Variants in RAPGEF2 observed in about 807,000 individuals in gnomAD.
RAPGEF2 encodes PDZ domain containing guanine nucleotide exchange factor (GEF) 1.
In RAPGEF2, 54 loss-of-function variants were observed where a neutral mutation model predicts 186.7. The ratio of observed to expected loss-of-function variants is 0.29; its 90% CI spans 0.23 to 0.36. The LOEUF (loss-of-function observed/expected upper bound fraction) is 0.36. RAPGEF2 is among the 10% of genes least tolerant of loss of function. The pLI, the probability that RAPGEF2 is intolerant of heterozygous loss-of-function variation, is 1.00. For synonymous variants in RAPGEF2, 712 were observed against 705.9 expected (o/e 1.01, Z -0.14); for missense variants, 1,532 against 2,045.0 (o/e 0.75, Z 4.84).
chr4:159,142,583 A>C (rs550975011), intron 1 of RAPGEF2, among the ~76,000 whole-genome samples: 1 of 152,072 alleles, frequency 6.6e-6, no homozygotes, highest in South Asian at 2.1e-4. Flanking sequence ...GTTTATTGCT[A>C]ATATATAAAA....
At chr4:159,152,183 A>G (rs952964325) in intron 1 of RAPGEF2, among the ~76,000 whole-genome samples, 3 of 151,416 alleles carry the variant, frequency 2.0e-5, no homozygotes, top group Admixed American at 1.3e-4. Context: ...TTAGCCAGGC[A>G]TAGTGTTGCA....
chr4:159,172,472 T>A (rs1333573803), intron 1 of RAPGEF2, among the ~76,000 whole-genome samples: 1 of 152,222 alleles, frequency 6.6e-6, no homozygotes, highest in Non-Finnish European at 1.5e-5. Context: ...AAGGGCTCTT[T>A]GCTTCCTTCT....
chr4:159,238,389 C>T (rs1003380700), intron 4 of RAPGEF2, among the ~76,000 whole-genome samples: 1 of 151,962 alleles, frequency 6.6e-6, no homozygotes, highest in Non-Finnish European at 1.5e-5. Context: ...TTAACCTAAG[C>T]AAGTTAAGTT....
chr4:159,129,773 C>T (rs1740804396), intron 1 of RAPGEF2, among the ~76,000 whole-genome samples: 2 of 152,016 alleles, frequency 1.3e-5, no homozygotes, highest in South Asian at 4.1e-4. Flanking sequence ...GGAAAGGGGT[C>T]CCAATCCGGA....
chr4:159,244,816 C>T (rs151100608), intron 7 of RAPGEF2, among the ~76,000 whole-genome samples: 185 of 151,984 alleles, frequency 1.2e-3, no homozygotes, highest in Non-Finnish European at 1.3e-3. Context: ...TAGAATGCCA[C>T]AGGTGTCATG....
In RAPGEF2 at chr4:159,352,804, C is replaced by T; in HGVS notation, c.3985C>T (p.His1329Tyr). 2 of 1,614,154 alleles carry T rather than the reference C, an allele frequency of 1.2e-6. No homozygotes were observed. Among genetic ancestry groups the T allele is most frequent in the Non-Finnish European group, 8.5e-7 (1 of 1,180,014 alleles). ...TTTTGACTCAGTGCCAGTCTCACTG[C>T]ACGATGAGAGGCGCCAGAGGCATTC... is the stretch of plus-strand genomic sequence containing the variant. Reference protein sequence around the residue: ...SSFDSVPVSLHDERRQRHSVS... With the variant: ...SSFDSVPVSLYDERRQRHSVS... The change falls in exon 27 of 30, where the codon CAC becomes TAC. Residue 1329 changes from histidine to tyrosine, a missense_variant. Around this residue, in one of 4 missense-constraint regions of RAPGEF2, gnomAD observed 594 missense variants for 608.5 expected, o/e 0.98. Coordinates refer to ENST00000691494, the MANE Select transcript of RAPGEF2 (RefSeq NM_001394067.2).
intron 7 of RAPGEF2, among the ~76,000 whole-genome samples, chr4:159,259,068 G>A (rs1222609008): frequency 6.6e-6 from 1 of 152,184 alleles, no homozygotes; most frequent in East Asian, 1.9e-4. Context: ...TTCCCCGTCA[G>A]TAGATAAGCA....
At chr4:159,356,212 C>A in intron 29 of RAPGEF2, 54 bp downstream of exon 29, 2 of 1,523,766 alleles carry the variant, frequency 1.3e-6, no homozygotes, top group East Asian at 2.3e-5. Context: ...TTCACTTGTG[C>A]TGCTTCCCAA....
chr4:159,300,521 G>A (rs1762521692), intron 7 of RAPGEF2, among the ~76,000 whole-genome samples: 1 of 151,960 alleles, frequency 6.6e-6, no homozygotes, highest in Non-Finnish European at 1.5e-5. Context: ...TTAATGAATT[G>A]TTGGGAAATA....
chr4:159,355,881 C>CCG lies in RAPGEF2; in HGVS notation c.4681_4682insGC (p.Pro1561ArgfsTer65). 6.6e-7 allele frequency: 1 copy of CCG among 1,512,116 alleles called. No individual in the cohort carries two copies. The highest frequency in any genetic ancestry group is 9.0e-7 in the Non-Finnish European group (1 of 1,114,178). The allele number at this position is 1,512,116 out of a possible 1,614,324, so 93.7% of individuals were successfully genotyped here. On this transcript the variant is annotated frameshift_variant, in exon 29 of 30. Coordinates refer to ENST00000691494, the MANE Select transcript of RAPGEF2 (RefSeq NM_001394067.2). LOFTEE classifies it high-confidence loss of function. Reference sequence around the variant, plus strand: ...GAAAGGAGGGCAGGTATCGAGAGCCCCCGCCCACCCCTCCCGGCTACATTG... The same window carrying CCG: ...GAAAGGAGGGCAGGTATCGAGAGCCCCGCCGCCCACCCCTCCCGGCTACATTG...
intron 4 of RAPGEF2, among the ~76,000 whole-genome samples, chr4:159,237,835 C>T (rs944854181): frequency 2.0e-5 from 1 of 48,798 alleles, no homozygotes; most frequent in South Asian, 7.8e-4. Flanking sequence ...TTTGTCTCTA[C>T]AAAAATTAAA....
At chr4:159,159,679 T>G (rs1410473650) in intron 1 of RAPGEF2, among the ~76,000 whole-genome samples, 1 of 152,196 alleles carries the variant, frequency 6.6e-6, no homozygotes, top group East Asian at 1.9e-4. Flanking sequence ...TACAGCAAAT[T>G]AAATTTTAGT....
chr4:159,162,671 A>G (rs1744843168), intron 1 of RAPGEF2, among the ~76,000 whole-genome samples: 3 of 152,070 alleles, frequency 2.0e-5, no homozygotes, highest in African/African-American at 4.8e-5. Flanking sequence ...AGAAGATTCT[A>G]GATTATAGCC....
At chr4:159,323,717 A>T in intron 11 of RAPGEF2, 100 bp downstream of exon 11, 2 of 744,730 alleles carry the variant, frequency 2.7e-6, no homozygotes, top group Non-Finnish European at 3.6e-6. Context: ...TATCTTACAA[A>T]TAATTTTTTT....
chr4:159,219,067 G>C (rs932610284), intron 4 of RAPGEF2, among the ~76,000 whole-genome samples: 5 of 152,100 alleles, frequency 3.3e-5, no homozygotes, highest in Non-Finnish European at 5.9e-5. Flanking sequence ...ATATACACAT[G>C]TGCATAAATA....
At position 159,193,234 on chromosome 4, in the gene RAPGEF2, G is replaced by A. The variant is rs968591983; in HGVS notation, c.175G>A (p.Glu59Lys). The A allele has an allele frequency of 2.3e-5, 35 of 1,501,468 alleles. No homozygotes were observed. The highest frequency in any genetic ancestry group is 2.9e-5 in the Non-Finnish European group (33 of 1,129,570). The allele number at this position is 1,501,468 out of a possible 1,614,324, so 93.0% of individuals were successfully genotyped here. A position where few individuals can be genotyped will look rare whatever the true frequency, so the allele number is the denominator to read the frequency against. The change falls in exon 3 of 30, where the codon GAA (glutamate) becomes AAA (lysine). Residue 59 changes from glutamate (E) to lysine (K), a missense_variant. Transcript: ENST00000691494. The stretch of plus-strand genomic sequence containing the variant: ...TGAAACTGTGAGATATGAGAGACAC[G>A]AAGCAAATGAAGTTTTATACTAGTA... ...MCETVRYERH[E>K]ANEVLYYPDD...
intron 1 of RAPGEF2, among the ~76,000 whole-genome samples, chr4:159,159,716 A>G (rs1454642570): frequency 6.6e-6 from 1 of 152,236 alleles, no homozygotes; most frequent in African/African-American, 2.4e-5. Context: ...TCAAGATTAT[A>G]ATAACAATTC....
At chr4:159,115,440 T>A (rs1738940206) in intron 1 of RAPGEF2, among the ~76,000 whole-genome samples, 1 of 152,196 alleles carries the variant, frequency 6.6e-6, no homozygotes, top group Non-Finnish European at 1.5e-5. Context: ...TAACTAATTG[T>A]ATAAAATAAA....
intron 1 of RAPGEF2, among the ~76,000 whole-genome samples, chr4:159,129,115 G>T (rs1255808467): frequency 1.3e-5 from 2 of 151,558 alleles, no homozygotes; most frequent in African/African-American, 2.4e-5. Context: ...AGACATGGAG[G>T]CAGAAACTTG....
Sources: gnomAD v4.1 joint callset for allele counts (sites outside exome capture counted in the v4.1 genomes callset) on GRCh38, gnomAD v4.1.1 for gene constraint, gnomAD v4.1.1 regional missense constraint, MANE v1.5 for transcripts, NCBI Gene and HGNC (gene_info 2026-07-23, HGNC 2026-07-21) for gene names.